The following CHN1 variants were observed in gnomAD, a reference collection of about 807,000 sequenced individuals.
CHN1 encodes N-chimaerin.
Under a neutral mutation model 59.5 loss-of-function variants are expected in CHN1, and 37 were observed. The ratio of observed to expected loss-of-function variants is 0.62; its 90% CI spans 0.48 to 0.82. The LOEUF (loss-of-function observed/expected upper bound fraction) is 0.82. Among genes scored for constraint, CHN1 ranks in the 40% least tolerant of loss-of-function variants. The probability of loss-of-function intolerance (pLI) is 0.00; values close to 1 mark genes in which losing one functional copy is unlikely to be tolerated. For synonymous variants in CHN1, 206 were observed against 200.4 expected, an observed-to-expected ratio of 1.03 and a Z score of -0.24; for missense variants, 469 against 571.0, an observed-to-expected ratio of 0.82 and a Z score of 1.82.
At chr2:174,991,267 G>A (rs1691539950) in intron 1 of CHN1, among the ~76,000 whole-genome samples, 1 of 152,188 alleles carries the variant, frequency 6.6e-6, no homozygotes, top group Non-Finnish European at 1.5e-5. Flanking sequence ...TAACAGCCTA[G>A]AAAAGTCTAA....
At chr2:174,974,456 C>T (rs1490203558) in intron 1 of CHN1, among the ~76,000 whole-genome samples, 1 of 152,110 alleles carries the variant, frequency 6.6e-6, no homozygotes, top group East Asian at 1.9e-4. Context: ...AGACAAATGA[C>T]AGCAATGAAA....
chr2:174,843,595 C>T (rs563692909), intron 7 of CHN1, among the ~76,000 whole-genome samples: 7 of 151,922 alleles, frequency 4.6e-5, no homozygotes, highest in East Asian at 3.9e-4. Context: ...ACAGTCCCCA[C>T]GATCATGCTA....
intron 1 of CHN1, among the ~76,000 whole-genome samples, chr2:174,989,545 A>G (rs1176744707): frequency 6.6e-6 from 1 of 152,096 alleles, no homozygotes; most frequent in Non-Finnish European, 1.5e-5. Context: ...TACACTTTGA[A>G]GGTTCCTCCT....
At chr2:174,883,562 C>T (rs1687799865) in intron 5 of CHN1, among the ~76,000 whole-genome samples, 1 of 152,124 alleles carries the variant, frequency 6.6e-6, no homozygotes, top group African/African-American at 2.4e-5. Context: ...AACTACTAGC[C>T]AGCCTTTTAG....
intron 1 of CHN1, among the ~76,000 whole-genome samples, chr2:174,999,761 T>C (rs536757579): frequency 3.3e-5 from 5 of 152,332 alleles, no homozygotes; most frequent in African/African-American, 9.6e-5. Flanking sequence ...TATTAAATTT[T>C]CATGGGGAGA....
At position 174,808,746 on chromosome 2, in the gene CHN1, C is replaced by T. The variant is rs571221917; in HGVS notation, c.1102+159G>A. ...TGGTATTAAGTCATAAAATAATCTACGTTAGAGAACAATGCAAAATTCTTG... is the reference window on the plus strand; with the variant it reads ...TGGTATTAAGTCATAAAATAATCTATGTTAGAGAACAATGCAAAATTCTTG... On this transcript the variant is annotated intron_variant, in intron 11 of 12. Coordinates refer to ENST00000409900, the MANE Select transcript of CHN1 (RefSeq NM_001822.7). 1.4e-4 allele frequency among the ~76,000 whole-genome samples: 21 copies of T among 152,280 alleles called. No individual in the cohort carries two copies. In the South Asian group the frequency reaches 3.9e-3, roughly 29 times the overall value.
chr2:174,960,795 C>G lies in CHN1; in HGVS notation c.20-8593G>C, dbSNP rs191375904. ...CGAGATCATGCCACTGTACTCTGACCTGGGCGACAGAGCGTGACTCCGTCT... is the reference window on the plus strand; with the variant it reads ...CGAGATCATGCCACTGTACTCTGACGTGGGCGACAGAGCGTGACTCCGTCT... On this transcript the variant is annotated intron_variant, in intron 1 of 12. Coordinates refer to ENST00000409900, the MANE Select transcript of CHN1 (RefSeq NM_001822.7). Among the ~76,000 whole-genome samples, 28 of 152,002 alleles carry G rather than the reference C, an allele frequency of 1.8e-4. 1 individual carries two copies. In the East Asian group the frequency reaches 5.4e-3, roughly 29 times the overall value.
In CHN1 at chr2:174,799,698, T is replaced by C. The variant is rs1321973581; in HGVS notation, c.*418A>G. The C allele has an allele frequency of 1.9e-6, 1 of 534,528 alleles. No homozygotes were observed. The highest frequency in any genetic ancestry group is 3.6e-6 in the Non-Finnish European group (1 of 276,602). The allele number at this position is 534,528 out of a possible 1,614,324, so 33.1% of individuals were successfully genotyped here. A position where few individuals can be genotyped will look rare whatever the true frequency, so the allele number is the denominator to read the frequency against. The stretch of plus-strand genomic sequence containing the variant: ...GTTTTATCCATTTGTGTGTGCGTGT[T>C]TGTACAAGCATCAGAAACCAATGAC... On this transcript the variant is annotated 3_prime_UTR_variant, in exon 13 of 13. Coordinates refer to ENST00000409900, the MANE Select transcript of CHN1 (RefSeq NM_001822.7).
At chr2:174,920,489 C>CCT (rs562200231) in intron 3 of CHN1, among the ~76,000 whole-genome samples, 171 of 152,140 alleles carry the variant, frequency 1.1e-3, no homozygotes, top group African/African-American at 4.0e-3. Context: ...GGGAAAAAGC[C>CCT]CTCTGTCTAT....
At chr2:174,818,262 T>A (rs2105392732) in intron 8 of CHN1, among the ~76,000 whole-genome samples, 1 of 152,338 alleles carries the variant, frequency 6.6e-6, no homozygotes, top group South Asian at 2.1e-4. Context: ...TACTCAATTT[T>A]AAAAATGTAT....
chr2:174,966,881 A>G (rs532297687), intron 1 of CHN1, among the ~76,000 whole-genome samples: 246 of 152,292 alleles, frequency 1.6e-3, no homozygotes, highest in African/African-American at 5.5e-3. Flanking sequence ...AGTCCTCTCA[A>G]TGATATCTCA....
chr2:174,957,449 G>GGGC (rs1690245007), intron 1 of CHN1, among the ~76,000 whole-genome samples: 1 of 143,140 alleles, frequency 7.0e-6, no homozygotes, highest in Admixed American at 6.9e-5. Context: ...TGTGTGTTGG[G>GGGC]GGGGGGGGCA....
chr2:174,898,681 A>C (rs1019988384), intron 5 of CHN1, among the ~76,000 whole-genome samples: 1 of 152,198 alleles, frequency 6.6e-6, no homozygotes, highest in Non-Finnish European at 1.5e-5. Context: ...CCCTACTGCA[A>C]AGATAGAATA....
chr2:174,948,076 C>G (rs1425820153), intron 2 of CHN1, among the ~76,000 whole-genome samples: 1 of 152,158 alleles, frequency 6.6e-6, no homozygotes, highest in Non-Finnish European at 1.5e-5. Context: ...TAATGAAATT[C>G]TCAATCCCTA....
At chr2:174,985,168 T>G (rs1283523649) in intron 1 of CHN1, among the ~76,000 whole-genome samples, 2 of 152,208 alleles carry the variant, frequency 1.3e-5, no homozygotes, top group African/African-American at 4.8e-5. Context: ...TGTTTTAGTC[T>G]TCTATGAACA....
At chr2:174,833,950 C>T (rs1685973202) in intron 7 of CHN1, among the ~76,000 whole-genome samples, 1 of 152,136 alleles carries the variant, frequency 6.6e-6, no homozygotes, top group Non-Finnish European at 1.5e-5. Context: ...TGCCACCACA[C>T]CCAGCTAATT....
chr2:174,976,517 C>T (rs1690947577), intron 1 of CHN1, among the ~76,000 whole-genome samples: 1 of 152,144 alleles, frequency 6.6e-6, no homozygotes, highest in East Asian at 1.9e-4. Flanking sequence ...GGATTACAGG[C>T]ATGAGCCACC....
At chr2:174,838,948 C>T (rs1222591099) in intron 7 of CHN1, among the ~76,000 whole-genome samples, 1 of 151,266 alleles carries the variant, frequency 6.6e-6, no homozygotes, top group Non-Finnish European at 1.5e-5. Context: ...ACCCAGGAGG[C>T]GGAAGTTGCA....
intron 3 of CHN1, among the ~76,000 whole-genome samples, chr2:174,928,413 G>A (rs569730302): frequency 6.6e-6 from 1 of 152,230 alleles, no homozygotes; most frequent in African/African-American, 2.4e-5. Flanking sequence ...ATTCACAAAT[G>A]AAAATCATGA....
Sources: gnomAD v4.1 joint callset for allele counts (sites outside exome capture counted in the v4.1 genomes callset) on GRCh38, gnomAD v4.1.1 for gene constraint, MANE v1.5 for transcripts, NCBI Gene and HGNC (gene_info 2026-07-23, HGNC 2026-07-21) for gene names.